RAP1GAP2: variants seen among roughly 807,000 people sequenced by gnomAD.
The protein encoded by RAP1GAP2 is RAP1 GTPase activating protein 2.
In RAP1GAP2, 27 loss-of-function variants were observed where a neutral mutation model predicts 95.0. The observed-to-expected ratio is 0.28, with a 90% confidence interval of 0.21 to 0.39. The LOEUF is 0.39. Ranked by LOEUF, RAP1GAP2 falls within the 10% of genes least tolerant of loss-of-function variation. The pLI is 1.00. For missense variants in RAP1GAP2, 771 were observed against 970.0 expected, an observed-to-expected ratio of 0.79 and a Z score of 2.72; for synonymous variants, 373 against 380.9, an observed-to-expected ratio of 0.98 and a Z score of 0.24.
Position 2,771,497 on chromosome 17 carries a change from T to TG in RAP1GAP2, c.167+1052_167+1053insG, listed in dbSNP as rs1255743339. Among the ~76,000 whole-genome samples the TG allele has an allele frequency of 9.8e-3, 1,461 of 149,346 alleles. 40 individuals are homozygous for TG. Among genetic ancestry groups the TG allele is most frequent in the African/African-American group, 0.034 (1,336 of 39,654 alleles). ...AAAGCCACTTTTTTGTTTTTTTTTT[T>TG]TGTTTTTTTTTTTTAGATAGAGTTT... On this transcript the variant is annotated intron_variant, in intron 2 of 25. Coordinates refer to the RAP1GAP2 transcript ENST00000637138.
Position 2,886,229 on chromosome 17 carries a change from G to A in RAP1GAP2, c.81-19055G>A, listed in dbSNP as rs1317595394. Among the ~76,000 whole-genome samples, 5 of 149,532 alleles carry A rather than the reference G, an allele frequency of 3.3e-5. No homozygotes were observed. The East Asian group carries it at 9.8e-4, about 29-fold the overall frequency. ...GCTGTGTCCCCCAGGCTGGAGTGCA[G>A]TGGTGCGATCTCAGCTCACTGCAAC... On this transcript the variant is annotated intron_variant, in intron 2 of 24. Coordinates refer to ENST00000254695, the MANE Select transcript of RAP1GAP2 (RefSeq NM_015085.5).
chr17:2,873,196 A>G, intron 2 of RAP1GAP2, among the ~76,000 whole-genome samples: 1 of 149,106 alleles, frequency 6.7e-6, no homozygotes, highest in African/African-American at 2.5e-5. Flanking sequence ...GCAGTGGCTC[A>G]TGTCTGTAAT....
chr17:2,849,571 T>C (rs978709974), intron 2 of RAP1GAP2, among the ~76,000 whole-genome samples: 1 of 152,190 alleles, frequency 6.6e-6, no homozygotes, highest in African/African-American at 2.4e-5. Flanking sequence ...TGTTCATGAT[T>C]AACTTCGCTG....
intron 14 of RAP1GAP2, among the ~76,000 whole-genome samples, chr17:3,000,094 C>G (rs1223413450): frequency 6.6e-6 from 1 of 152,140 alleles, no homozygotes; most frequent in East Asian, 1.9e-4. Flanking sequence ...ATTGCAGGCT[C>G]CTGCCACCAT....
chr17:2,928,631 G>T (rs544294338), intron 3 of RAP1GAP2, among the ~76,000 whole-genome samples: 1 of 152,290 alleles, frequency 6.6e-6, no homozygotes, highest in Admixed American at 6.5e-5. Context: ...CGAGGCTCCG[G>T]CAGGGCGAGT....
chr17:2,876,051 C>T (rs2151653701), intron 2 of RAP1GAP2, among the ~76,000 whole-genome samples: 1 of 151,974 alleles, frequency 6.6e-6, no homozygotes, highest in Admixed American at 6.6e-5. Context: ...CATTCTCCTG[C>T]CTCAGCCTCC....
At chr17:2,987,957 T>G (rs1459744087) in intron 11 of RAP1GAP2, among the ~76,000 whole-genome samples, 27 of 152,262 alleles carry the variant, frequency 1.8e-4, no homozygotes, top group Admixed American at 1.6e-3. Flanking sequence ...TTCAGCTGTT[T>G]GTACATCCTG....
chr17:2,889,336 C>T (rs2073609232), intron 2 of RAP1GAP2, among the ~76,000 whole-genome samples: 1 of 152,164 alleles, frequency 6.6e-6, no homozygotes, highest in African/African-American at 2.4e-5. Context: ...ATGTGTTACA[C>T]ATTTTTGAGT....
At position 2,867,071 on chromosome 17, in the gene RAP1GAP2, T is replaced by C. The variant is rs555043423; in HGVS notation, c.81-38213T>C. Among the ~76,000 whole-genome samples the C allele has an allele frequency of 6.6e-6, 1 of 152,046 alleles. No homozygotes were observed. The highest frequency in any genetic ancestry group is 2.1e-4 in the South Asian group (1 of 4,820). ...GCCCACTGTCATGTCTAGCTAATTTTTGTATTTGTAGTAGAGACGGGGTTT... is the reference window on the plus strand; with the variant it reads ...GCCCACTGTCATGTCTAGCTAATTTCTGTATTTGTAGTAGAGACGGGGTTT... On this transcript the variant is annotated intron_variant, in intron 2 of 24. Transcript: ENST00000254695. This position sits in a 1 kb window ranked among gnomAD's most constrained non-coding sequence, Gnocchi z 4.5.
intron 4 of RAP1GAP2, among the ~76,000 whole-genome samples, chr17:2,960,843 C>T (rs763262987): frequency 2.6e-5 from 4 of 152,226 alleles, no homozygotes; most frequent in East Asian, 1.9e-4. Flanking sequence ...TACTGTCACC[C>T]GATTTTCTCA....
chr17:2,922,668 C>T (rs564477735), intron 3 of RAP1GAP2, among the ~76,000 whole-genome samples: 3 of 152,082 alleles, frequency 2.0e-5, no homozygotes, highest in South Asian at 4.2e-4. Flanking sequence ...CCTGCTGCCC[C>T]GGGACCTGGT....
At chr17:2,877,226 C>T (rs1485230394) in intron 2 of RAP1GAP2, among the ~76,000 whole-genome samples, 1 of 152,118 alleles carries the variant, frequency 6.6e-6, no homozygotes, top group African/African-American at 2.4e-5. Flanking sequence ...CACTTGTCAG[C>T]ATGCTCTGTT....
intron 17 of RAP1GAP2, 123 bp from the exon 18 acceptor site, chr17:3,017,938 T>C (rs2046826882): frequency 9.7e-6 from 8 of 820,696 alleles, no homozygotes; most frequent in Non-Finnish European, 1.3e-5. Context: ...TGTGTGTGTG[T>C]GTGTGTGTGT....
At chr17:3,028,425 A>G (rs898058606) in intron 22 of RAP1GAP2, among the ~76,000 whole-genome samples, 37 of 152,164 alleles carry the variant, frequency 2.4e-4, no homozygotes, top group African/African-American at 8.9e-4. Flanking sequence ...ACAGCCCCCT[A>G]GCCACATCAG....
rs969327700 is a variant in RAP1GAP2 at position 2,957,803 on chromosome 17, G to A, written c.201+9G>A. ...TGCTGGAGAAAATGCAGGTGAGTAC[G>A]TACCCCCACCGTGGCGGGGAAGAAG... On this transcript the variant is annotated intron_variant, in intron 4 of 24. Coordinates refer to ENST00000254695, the MANE Select transcript of RAP1GAP2 (RefSeq NM_015085.5). 6.9e-6 allele frequency: 11 copies of A among 1,587,352 alleles called. No homozygotes were observed. The highest frequency in any genetic ancestry group is 1.4e-5 in the African/African-American group (1 of 73,642).
Position 2,902,851 on chromosome 17 carries a change from C to T in RAP1GAP2, c.81-2433C>T, listed in dbSNP as rs746283834. On this transcript the variant is annotated intron_variant, in intron 2 of 24. Coordinates refer to ENST00000254695, the MANE Select transcript of RAP1GAP2 (RefSeq NM_015085.5). This position sits in a 1 kb window ranked among gnomAD's most constrained non-coding sequence, Gnocchi z 4.1. ...TCAGCTCAGGGAGTGTTGGATGCTGCGCCCTTTTGACCGGGACTCAGGGCC... is the reference window on the plus strand; with the variant it reads ...TCAGCTCAGGGAGTGTTGGATGCTGTGCCCTTTTGACCGGGACTCAGGGCC... Among the ~76,000 whole-genome samples the T allele has an allele frequency of 2.0e-5, 3 of 152,134 alleles. No individual in the cohort carries two copies. Among genetic ancestry groups the T allele is most frequent in the Non-Finnish European group, 4.4e-5 (3 of 68,038 alleles).
chr17:3,002,032 G>A (rs973805281), intron 14 of RAP1GAP2, among the ~76,000 whole-genome samples: 6 of 147,160 alleles, frequency 4.1e-5, no homozygotes, highest in African/African-American at 1.5e-4. Flanking sequence ...GTGTGATCTT[G>A]GCTCACTGCA....
At chr17:2,756,216 C>T (rs1427489460) in intron 1 of RAP1GAP2, among the ~76,000 whole-genome samples, 2 of 152,236 alleles carry the variant, frequency 1.3e-5, no homozygotes, top group African/African-American at 4.8e-5. Context: ...CCAACCCCTG[C>T]GTGGAAAGGG....
chr17:2,963,793 G>A lies in RAP1GAP2; in HGVS notation c.280-63G>A, dbSNP rs1028673580. 18 of 1,396,172 alleles carry A rather than the reference G, an allele frequency of 1.3e-5. No homozygotes were observed. Among genetic ancestry groups the A allele is most frequent in the African/African-American group, 2.9e-5 (2 of 69,662 alleles). The allele number at this position is 1,396,172 out of a possible 1,614,324, so 86.5% of individuals were successfully genotyped here. A position where few individuals can be genotyped will look rare whatever the true frequency, so the allele number is the denominator to read the frequency against. On this transcript the variant is annotated intron_variant, in intron 6 of 24. Coordinates refer to ENST00000254695, the MANE Select transcript of RAP1GAP2 (RefSeq NM_015085.5). The surrounding 1 kb of genome is among the most constrained non-coding windows in gnomAD (Gnocchi z 4.8). ...CTGGGAGCAGCGCAGAGGGGACACC[G>A]CCACCGGCCCCCTCCCTCCCCTGCG...
Sources: allele counts gnomAD v4.1 joint callset (sites outside exome capture counted in the v4.1 genomes callset), GRCh38; gene constraint gnomAD v4.1.1; non-coding constraint Gnocchi (gnomAD v3.1); transcripts MANE v1.5; gene names NCBI Gene and HGNC (gene_info 2026-07-23, HGNC 2026-07-21).